VAV3: variants seen among roughly 807,000 people sequenced by gnomAD.
VAV3 encodes vav guanine nucleotide exchange factor 3.
VAV3 carries 94 observed loss-of-function variants against 131.2 expected under a neutral mutation model. The observed-to-expected ratio is 0.72, with a 90% confidence interval of 0.61 to 0.85. VAV3 has a LOEUF of 0.85. Among genes scored for constraint, VAV3 ranks in the 40% least tolerant of loss-of-function variants. The probability of loss-of-function intolerance (pLI) is 0.00; values close to 1 mark genes in which losing one functional copy is unlikely to be tolerated. For synonymous variants in VAV3, 349 were observed against 342.0 expected (o/e 1.02, Z -0.22); for missense variants, 939 against 1,002.7 (o/e 0.94, Z 0.86).
intron 19 of VAV3, among the ~76,000 whole-genome samples, chr1:107,654,515 G>A (rs1274424367): frequency 6.6e-6 from 1 of 151,868 alleles, no homozygotes; most frequent in Non-Finnish European, 1.5e-5. Context: ...ATTAACTTTA[G>A]GAATAGTACT....
rs933491506 is a variant in VAV3, at chr1:107,936,332, T to C, written c.204+28334A>G. 3.3e-5 allele frequency among the ~76,000 whole-genome samples: 5 copies of C among 152,152 alleles called. No homozygotes were observed. The East Asian group carries it at 9.6e-4, about 29-fold the overall frequency. The stretch of plus-strand genomic sequence containing the variant: ...AATGAAAAATTCTATATTTAATATA[T>C]AAATTAGTTGTGCATAGTGTTAGAA... On this transcript the variant is annotated intron_variant, in intron 1 of 26. Transcript: ENST00000370056.
chr1:107,784,008 T>C (rs927940677), intron 2 of VAV3, among the ~76,000 whole-genome samples: 16 of 151,950 alleles, frequency 1.1e-4, no homozygotes, highest in African/African-American at 2.9e-4. Context: ...TGCAGTGAGC[T>C]GAGATAGTGC....
intron 25 of VAV3, chr1:107,576,333 A>G: frequency 1.4e-6 from 2 of 1,412,778 alleles, no homozygotes; most frequent in Non-Finnish European, 1.9e-6. Context: ...TGGAACTCAA[A>G]TATTTTATTT....
rs139615788 is a variant in VAV3 at position 107,712,307 on chromosome 1, G to A, written c.1503-7246C>T. Among the ~76,000 whole-genome samples, 7 of 152,282 alleles carry A rather than the reference G, an allele frequency of 4.6e-5. No individual in the cohort carries two copies. The East Asian group carries it at 5.8e-4, about 13-fold the overall frequency. Reference sequence around the variant, plus strand: ...GCCACATGTGGCCCAACACAAATCCGTAAACTTTCTTGAAACATTATGAGA... The same window carrying A: ...GCCACATGTGGCCCAACACAAATCCATAAACTTTCTTGAAACATTATGAGA... On this transcript the variant is annotated intron_variant, in intron 15 of 26. Transcript: ENST00000370056.
chr1:107,954,183 G>T (rs1571188189), intron 1 of VAV3, among the ~76,000 whole-genome samples: 1 of 152,020 alleles, frequency 6.6e-6, no homozygotes, highest in East Asian at 1.9e-4. Flanking sequence ...CTAACAATAG[G>T]TTGTCTGTGA....
chr1:107,768,341 A>G, intron 7 of VAV3, 100 bp downstream of exon 7: 6 of 840,080 alleles, frequency 7.1e-6, no homozygotes, highest in Non-Finnish European at 1.1e-5. Flanking sequence ...ATATTCTTAA[A>G]TAATACAAAA....
Position 107,596,234 on chromosome 1 carries a change from C to T in VAV3, c.2328G>A (p.Arg776=), listed in dbSNP as rs753325378. 2.5e-6 allele frequency: 4 copies of T among 1,613,400 alleles called. No individual in the cohort carries two copies. The highest frequency in any genetic ancestry group is 2.5e-6 in the Non-Finnish European group (3 of 1,179,502). Residue 776 remains arginine, a synonymous_variant, in exon 25 of 27, where the codon AGG becomes AGA. Coordinates refer to ENST00000370056, the MANE Select transcript of VAV3 (RefSeq NM_006113.5). The part of the protein sequence containing the change: ...YKEPEHSAGQ[R]GNRAGNSLLS... ...TACAGCTGTTGCCTGCTCTATTACC[C>T]CTCTGTCCAGCTGAATGTTCTGGCT...
chr1:107,659,201 T>TCCCTATTTAATATA (rs1181413105), intron 19 of VAV3, among the ~76,000 whole-genome samples: 1 of 152,132 alleles, frequency 6.6e-6, no homozygotes, highest in African/African-American at 2.4e-5. Context: ...ATTTATTAAA[T>TCCCTATTTAATATA]AGGGAATCCT....
chr1:107,848,919 A>C (rs920474351), intron 2 of VAV3, among the ~76,000 whole-genome samples: 10 of 152,176 alleles, frequency 6.6e-5, no homozygotes, highest in African/African-American at 2.4e-4. Context: ...AAACATTCCT[A>C]TACACCAATC....
At chr1:107,951,801 A>G (rs1454456477) in intron 1 of VAV3, among the ~76,000 whole-genome samples, 1 of 145,692 alleles carries the variant, frequency 6.9e-6, no homozygotes, top group Non-Finnish European at 1.5e-5. Context: ...AATGGCTATT[A>G]TCAAAAAGTC....
Position 107,835,261 on chromosome 1 carries a change from C to T in VAV3, c.321+39640G>A, listed in dbSNP as rs186432043. Among the ~76,000 whole-genome samples the T allele has an allele frequency of 1.1e-4, 16 of 152,324 alleles. No individual in the cohort carries two copies. The East Asian group carries it at 1.5e-3, about 15-fold the overall frequency. On this transcript the variant is annotated intron_variant, in intron 2 of 26. Transcript: ENST00000370056. ...CCAGCCTCAGTGCCTTGCCATGGCC[C>T]CACATGAGTGCTTTCCTGGAGGCCT... is the stretch of plus-strand genomic sequence containing the variant.
In VAV3 at chr1:107,681,913, A is replaced by G. The variant is rs373584427; in HGVS notation, c.1777+1575T>C. On this transcript the variant is annotated intron_variant, in intron 19 of 26. Coordinates refer to ENST00000370056, the MANE Select transcript of VAV3 (RefSeq NM_006113.5). ...CTGACCTCGTGATCCGCCGGCCTTG[A>G]CCTCCCAAAGTGCTGGGATTACAGG... is the stretch of plus-strand genomic sequence containing the variant. Among the ~76,000 whole-genome samples the G allele has an allele frequency of 2.3e-3, 345 of 151,716 alleles. 1 individual carries two copies. Among genetic ancestry groups the G allele is most frequent in the East Asian group, 0.011 (55 of 5,138 alleles).
chr1:107,783,460 A>G lies in VAV3; in HGVS notation c.322-3968T>C, dbSNP rs72981414. On this transcript the variant is annotated intron_variant, in intron 2 of 26. Coordinates refer to ENST00000370056, the MANE Select transcript of VAV3 (RefSeq NM_006113.5). ...TAGTAGCTGATGCTCTGTGAGGGCT[A>G]AGGGAAGAAGAACCCAGGATGACCT... is the stretch of plus-strand genomic sequence containing the variant. 4.0e-3 allele frequency among the ~76,000 whole-genome samples: 609 copies of G among 152,262 alleles called. 2 individuals are homozygous for G. Among genetic ancestry groups the G allele is most frequent in the African/African-American group, 0.014 (586 of 41,550 alleles).
intron 18 of VAV3, among the ~76,000 whole-genome samples, chr1:107,687,681 AAAC>A (rs150351426): frequency 1.3e-5 from 2 of 152,306 alleles, no homozygotes; most frequent in East Asian, 1.9e-4. Flanking sequence ...AACTCTATAT[AAAC>A]AACATCAAAC....
intron 1 of VAV3, among the ~76,000 whole-genome samples, chr1:107,957,093 T>C (rs1022217387): frequency 6.6e-6 from 1 of 152,060 alleles, no homozygotes; most frequent in Non-Finnish European, 1.5e-5. Flanking sequence ...TAACTGGTAA[T>C]AACTTCCAAC....
chr1:107,695,112 G>A (rs943678856), intron 17 of VAV3, among the ~76,000 whole-genome samples: 2 of 152,122 alleles, frequency 1.3e-5, no homozygotes, highest in Non-Finnish European at 2.9e-5. Flanking sequence ...AAAAAAACTG[G>A]TTGGAGAACT....
At chr1:107,686,928 T>C (rs1659071302) in intron 18 of VAV3, among the ~76,000 whole-genome samples, 1 of 152,078 alleles carries the variant, frequency 6.6e-6, no homozygotes, top group South Asian at 2.1e-4. Context: ...GAAAAAATAA[T>C]ATATATATCT....
chr1:107,571,257 G>A lies in VAV3; in HGVS notation c.*2074C>T, dbSNP rs1649240811. The stretch of plus-strand genomic sequence containing the variant: ...CCGTATTACACGAGGGCTGCATACA[G>A]GCAAGACAAAGTATATGGAAAACAT... On this transcript the variant is annotated 3_prime_UTR_variant, in exon 27 of 27. Coordinates refer to ENST00000370056, the MANE Select transcript of VAV3 (RefSeq NM_006113.5). The A allele has an allele frequency of 6.5e-6, 1 of 152,744 alleles. No individual in the cohort carries two copies. Among genetic ancestry groups the A allele is most frequent in the Admixed American group, 6.5e-5 (1 of 15,304 alleles). 9.5% of individuals were successfully genotyped at this position (152,744 alleles called of 1,614,324 possible).
intron 19 of VAV3, among the ~76,000 whole-genome samples, chr1:107,664,386 G>A (rs577877064): frequency 2.0e-5 from 3 of 150,738 alleles, no homozygotes; most frequent in South Asian, 4.2e-4. Flanking sequence ...GTTGTTCCTC[G>A]CCACTGCCAT....
Sources: allele counts gnomAD v4.1 joint callset (sites outside exome capture counted in the v4.1 genomes callset), GRCh38; gene constraint gnomAD v4.1.1; transcripts MANE v1.5; gene names NCBI Gene and HGNC (gene_info 2026-07-23, HGNC 2026-07-21).